AP2A1: variants seen among roughly 807,000 people sequenced by gnomAD.
AP2A1 encodes the protein AP-2 complex subunit alpha-1.
Under a neutral mutation model 107.3 loss-of-function variants are expected in AP2A1, and 21 were observed. The observed-to-expected ratio is 0.20, with a 90% CI of 0.14 to 0.28. The LOEUF (loss-of-function observed/expected upper bound fraction) is 0.28. Among genes scored for constraint, AP2A1 ranks in the 10% least tolerant of loss-of-function variants. The pLI is 1.00. For synonymous variants in AP2A1, 602 were observed against 564.8 expected, an observed-to-expected ratio of 1.07 and a Z score of -0.93; for missense variants, 873 against 1,307.7, an observed-to-expected ratio of 0.67 and a Z score of 5.13.
At chr19:49,790,134 T>A (rs1048083697) in intron 4 of AP2A1, among the ~76,000 whole-genome samples, 1 of 152,178 alleles carries the variant, frequency 6.6e-6, no homozygotes, top group Non-Finnish European at 1.5e-5. Flanking sequence ...AATCAAGGCG[T>A]GGGCAGGGCT....
chr19:49,795,455 G>A (rs984812478), intron 6 of AP2A1, among the ~76,000 whole-genome samples, 175 bp from the exon 7 acceptor site: 3 of 152,014 alleles, frequency 2.0e-5, no homozygotes, highest in Middle Eastern at 3.2e-3. Context: ...CCATGAGTTC[G>A]AGACCAGCCT....
intron 1 of AP2A1, among the ~76,000 whole-genome samples, chr19:49,771,859 G>C (rs2084561635): frequency 6.6e-6 from 1 of 152,110 alleles, no homozygotes; most frequent in Non-Finnish European, 1.5e-5. Context: ...GGAGCTGTGT[G>C]GGCAGGAAGT....
chr19:49,802,431 G>C (rs2159984), intron 15 of AP2A1: 504,692 of 1,152,006 alleles, frequency 0.44, 113,199 homozygotes, highest in Middle Eastern at 0.56. Flanking sequence ...TCCCTCTTCC[G>C]TCCCTCCCTC....
chr19:49,772,837 C>G (rs1245013649), intron 1 of AP2A1, among the ~76,000 whole-genome samples: 2 of 151,984 alleles, frequency 1.3e-5, no homozygotes, highest in African/African-American at 2.4e-5. Context: ...GGCCCTGATG[C>G]CCCAGTGAGA....
chr19:49,805,557 C>A lies in AP2A1; in HGVS notation c.2449C>A (p.Leu817Met). ...CCTGCGGGACTTCCTGACGCCCCCG[C>A]TGCTGTCCGTGCGCTTCCGGTGAGT... ...ECLRDFLTPP[L>M]LSVRFRYGGA... Residue 817 changes from leucine (L) to methionine (M), a missense_variant, in exon 19 of 23, where the codon CTG becomes ATG. Leu to Met is a conservative substitution (Grantham distance 15). Around this residue, in one of 4 missense-constraint regions of AP2A1, gnomAD observed 416 missense variants for 473.4 expected, o/e 0.88. Coordinates refer to ENST00000354293, the MANE Select transcript of AP2A1 (RefSeq NM_130787.3). 6.3e-7 allele frequency: 1 copy of A among 1,578,064 alleles called. No homozygotes were observed. The highest frequency in any genetic ancestry group is 1.2e-5 in the South Asian group (1 of 86,522).
At chr19:49,805,144 G>A (rs1471480480) in intron 18 of AP2A1, 10 of 345,788 alleles carry the variant, frequency 2.9e-5, no homozygotes, top group Admixed American at 1.3e-4. Context: ...GAGAGGTTAA[G>A]TGGTTGCCCA....
chr19:49,778,737 C>A (rs146436588), intron 1 of AP2A1, among the ~76,000 whole-genome samples: 4 of 151,966 alleles, frequency 2.6e-5, no homozygotes, highest in African/African-American at 9.7e-5. Flanking sequence ...TTGTTGCTGA[C>A]TGAAATGTTG....
At chr19:49,778,141 A>G (rs1178402132) in intron 1 of AP2A1, among the ~76,000 whole-genome samples, 1 of 152,326 alleles carries the variant, frequency 6.6e-6, no homozygotes. Flanking sequence ...ACACTCGTGT[A>G]TTAACGATGG....
chr19:49,793,002 G>A lies in AP2A1; in HGVS notation c.615G>A (p.Thr205=), dbSNP rs763494312. The part of the protein sequence containing the change: ...LLNDQHMGVV[T]AAVSLITCLC... Reference sequence around the variant, plus strand: ...CTCTGCCCCTGCAGGGTGTGGTCACGGCCGCCGTCAGCCTCATCACCTGTC... The same window carrying A: ...CTCTGCCCCTGCAGGGTGTGGTCACAGCCGCCGTCAGCCTCATCACCTGTC... Residue 205 remains threonine (T), a synonymous_variant, in exon 6 of 23, where the codon ACG becomes ACA. Transcript: ENST00000354293. 1.4e-5 allele frequency: 23 copies of A among 1,602,700 alleles called. No homozygotes were observed. The highest frequency in any genetic ancestry group is 4.0e-5 in the African/African-American group (3 of 74,726).
rs1440497684 is a variant in AP2A1, at chr19:49,802,259, T to C, written c.2114+118T>C. The C allele has an allele frequency of 5.9e-6, 5 of 841,240 alleles. No individual in the cohort carries two copies. In the East Asian group the frequency reaches 8.4e-5, roughly 14 times the overall value. 52.1% of individuals were successfully genotyped at this position (841,240 alleles called of 1,614,324 possible). On this transcript the variant is annotated intron_variant, in intron 15 of 22. Coordinates refer to ENST00000354293, the MANE Select transcript of AP2A1 (RefSeq NM_130787.3). ...CGCCCCCGACTCGCTCCTCTCTCCA[T>C]CCTGATGCCTTCGCCAGCCCTGGCT... is the stretch of plus-strand genomic sequence containing the variant.
At chr19:49,800,293 C>T in intron 11 of AP2A1, 143 bp downstream of exon 11, 1 of 1,051,722 alleles carries the variant, frequency 9.5e-7, no homozygotes. Context: ...GCCTCTGCCT[C>T]TCTGGGCCAA....
chr19:49,804,964 T>A (rs1331688701), intron 18 of AP2A1: 2 of 153,234 alleles, frequency 1.3e-5, no homozygotes, highest in Non-Finnish European at 2.9e-5. Context: ...TGGAATGCAG[T>A]GGCATGAACA....
At chr19:49,779,694 A>G (rs563018435) in intron 1 of AP2A1, among the ~76,000 whole-genome samples, 2 of 152,292 alleles carry the variant, frequency 1.3e-5, no homozygotes, top group East Asian at 1.9e-4. Context: ...CCTGCCTCAC[A>G]TGCGTGAGCC....
Position 49,802,152 on chromosome 19 carries a change from C to T in AP2A1, c.2114+11C>T. 3 of 1,547,252 alleles carry T rather than the reference C, an allele frequency of 1.9e-6. No homozygotes were observed. The highest frequency in any genetic ancestry group is 2.3e-5 in the South Asian group (2 of 85,120). On this transcript the variant is annotated intron_variant, in intron 15 of 22. Transcript: ENST00000354293. ...GGAGGCCTTCCTCAGGTAGCACCCC[C>T]TGGGCCCGGGCCCCTTCTCGCGGCC...
Position 49,800,159 on chromosome 19 carries a change from C to CCCTGAA in AP2A1, c.1455+14_1455+15insACCTGA. On this transcript the variant is annotated intron_variant, in intron 11 of 22. Coordinates refer to ENST00000354293, the MANE Select transcript of AP2A1 (RefSeq NM_130787.3). ...CCAAGACCGTCTTTGAGGTCAGCAT[C>CCCTGAA]CCTGACCCTGACCCTATGACCCCAC... 6.3e-7 allele frequency: 1 copy of CCCTGAA among 1,599,608 alleles called. No individual in the cohort carries two copies. The highest frequency in any genetic ancestry group is 8.5e-7 in the Non-Finnish European group (1 of 1,170,214).
At chr19:49,786,925 A>G (rs1301602231) in intron 4 of AP2A1, among the ~76,000 whole-genome samples, 1 of 152,210 alleles carries the variant, frequency 6.6e-6, no homozygotes, top group Non-Finnish European at 1.5e-5. Context: ...GTCTGGCTCT[A>G]GGCTGCCCCC....
rs768242473 is a variant in AP2A1 at position 49,793,077 on chromosome 19, G to T, written c.690G>T (p.Val230=). The T allele has an allele frequency of 6.2e-6, 10 of 1,606,960 alleles. No individual in the cohort carries two copies. The Middle Eastern group carries it at 5.0e-4, about 80-fold the overall frequency. Residue 230 remains valine, a synonymous_variant, in exon 6 of 23, where the codon GTG becomes GTT. Coordinates refer to ENST00000354293, the MANE Select transcript of AP2A1 (RefSeq NM_130787.3). ...DDFKTCVSLA[V]SRLSRIVSSA... ...TCAAGACGTGCGTCTCTCTGGCTGT[G>T]TCGCGCCTGAGCCGGGTGGGTGTGG...
At chr19:49,799,261 C>T in intron 8 of AP2A1, 66 bp from the exon 9 acceptor site, 1 of 1,541,730 alleles carries the variant, frequency 6.5e-7, no homozygotes. Flanking sequence ...TCAGCTGGGG[C>T]CCGAGTCCTC....
Position 49,767,137 on chromosome 19 carries a change from C to T in AP2A1, c.4C>T (p.Pro2Ser). 1 of 1,611,514 alleles carries T rather than the reference C, an allele frequency of 6.2e-7. No homozygotes were observed. Among genetic ancestry groups the T allele is most frequent in the Non-Finnish European group, 8.5e-7 (1 of 1,179,676 alleles). M[P>S]AVSKGDGMRG... ...TGGAGCCGACACCACCGCCATCATGCCGGCCGTGTCCAAGGGCGATGGGAT... is the reference window on the plus strand; with the variant it reads ...TGGAGCCGACACCACCGCCATCATGTCGGCCGTGTCCAAGGGCGATGGGAT... Residue 2 changes from proline to serine, a missense_variant, in exon 1 of 23, where the codon CCG (proline) becomes TCG (serine). Pro to Ser is a moderately conservative substitution (Grantham distance 74). Transcript: ENST00000354293.
Sources: gnomAD v4.1 joint callset for allele counts (sites outside exome capture counted in the v4.1 genomes callset) on GRCh38, gnomAD v4.1.1 for gene constraint, gnomAD v4.1.1 regional missense constraint, MANE v1.5 for transcripts, NCBI Gene and HGNC (gene_info 2026-07-23, HGNC 2026-07-21) for gene names.